MMP16: variants seen among roughly 807,000 people sequenced by gnomAD.
MMP16 encodes matrix metallopeptidase 16, also known as matrix metalloproteinase-16.
A neutral mutation model predicts 67.8 loss-of-function variants in MMP16; 12 were observed. The ratio of observed to expected loss-of-function variants is 0.18; its 90% confidence interval spans 0.11 to 0.29. MMP16 has a LOEUF of 0.29. MMP16 is among the 10% of genes least tolerant of loss of function. The pLI, the probability that MMP16 is intolerant of heterozygous loss-of-function variation, is 1.00. For missense variants in MMP16, 475 were observed against 765.7 expected (o/e 0.62, Z 4.48); for synonymous variants, 249 against 255.9 (o/e 0.97, Z 0.26).
intron 7 of MMP16, among the ~76,000 whole-genome samples, chr8:88,061,650 A>G (rs1808401825): frequency 6.6e-6 from 1 of 152,092 alleles, no homozygotes; most frequent in Non-Finnish European, 1.5e-5. Context: ...CTTAGTTTAT[A>G]TGTAGTCCCG....
In MMP16 at chr8:88,251,426, A is replaced by C. The variant is rs1012554261; in HGVS notation, c.133-54120T>G. The stretch of plus-strand genomic sequence containing the variant: ...CCTATTTAATAAATGGTGCTGCGAA[A>C]ACTGGCTAGCCATATGTAGAAAGCT... On this transcript the variant is annotated intron_variant, in intron 1 of 9. Coordinates refer to ENST00000286614, the MANE Select transcript of MMP16 (RefSeq NM_005941.5). Among the ~76,000 whole-genome samples the C allele has an allele frequency of 2.1e-4, 31 of 146,932 alleles. 1 individual carries two copies. Among genetic ancestry groups the C allele is most frequent in the Non-Finnish European group, 3.5e-4 (24 of 67,646 alleles).
chr8:88,156,156 A>G (rs567062070), intron 4 of MMP16, among the ~76,000 whole-genome samples: 1 of 152,256 alleles, frequency 6.6e-6, no homozygotes, highest in South Asian at 2.1e-4. Context: ...GATAACCCAT[A>G]GAGAGGCTTT....
intron 1 of MMP16, among the ~76,000 whole-genome samples, chr8:88,209,501 G>A (rs1381172158): frequency 6.6e-6 from 1 of 152,078 alleles, no homozygotes; most frequent in African/African-American, 2.4e-5. Context: ...GAGGCTATTG[G>A]TAGTTAGTTT....
chr8:88,230,816 A>T (rs930683935), intron 1 of MMP16, among the ~76,000 whole-genome samples: 4 of 152,124 alleles, frequency 2.6e-5, no homozygotes, highest in Non-Finnish European at 5.9e-5. Flanking sequence ...TTATTCATGA[A>T]TTTGCAACCT....
intron 1 of MMP16, among the ~76,000 whole-genome samples, chr8:88,203,059 G>A (rs745542055): frequency 9.9e-5 from 15 of 150,846 alleles, no homozygotes; most frequent in Admixed American, 7.9e-4. Flanking sequence ...AAAGTGGGGG[G>A]TGCAAAATGT....
intron 8 of MMP16, among the ~76,000 whole-genome samples, chr8:88,049,975 T>C (rs1485145806): frequency 6.6e-5 from 10 of 151,872 alleles, no homozygotes; most frequent in Admixed American, 4.6e-4. Flanking sequence ...CAGTGAGCTG[T>C]GATTGTGCCA....
At chr8:88,314,608 G>T (rs979343682) in intron 1 of MMP16, among the ~76,000 whole-genome samples, 2 of 152,112 alleles carry the variant, frequency 1.3e-5, no homozygotes, top group African/African-American at 4.8e-5. Context: ...TTTCATAACT[G>T]AGGCAAGACA....
intron 6 of MMP16, among the ~76,000 whole-genome samples, chr8:88,110,691 T>C (rs895867305): frequency 2.6e-5 from 4 of 151,666 alleles, no homozygotes; most frequent in Non-Finnish European, 5.9e-5. Flanking sequence ...AATCATTCCA[T>C]TGACTAAAGT....
chr8:88,169,836 G>A (rs1333512659), intron 3 of MMP16, among the ~76,000 whole-genome samples: 3 of 152,138 alleles, frequency 2.0e-5, no homozygotes, highest in Non-Finnish European at 4.4e-5. Context: ...GTAGGTCCCC[G>A]AAGGCCACTC....
intron 1 of MMP16, among the ~76,000 whole-genome samples, chr8:88,222,548 T>A (rs542632410): frequency 7.2e-5 from 11 of 152,142 alleles, no homozygotes; most frequent in African/African-American, 2.4e-4. Flanking sequence ...ACCACACAAC[T>A]ACAACCATCT....
chr8:88,097,641 A>AC (rs906260629), intron 6 of MMP16, among the ~76,000 whole-genome samples: 1 of 150,696 alleles, frequency 6.6e-6, no homozygotes, highest in African/African-American at 2.4e-5. Flanking sequence ...AAAAAAAAAA[A>AC]AAAAAAGAAT....
At chr8:88,145,651 A>G (rs951310340) in intron 4 of MMP16, among the ~76,000 whole-genome samples, 7 of 151,950 alleles carry the variant, frequency 4.6e-5, no homozygotes, top group African/African-American at 1.7e-4. Flanking sequence ...CATTTAGTAG[A>G]TTCCAATGGG....
At chr8:88,047,727 C>T (rs545280794) in intron 8 of MMP16, among the ~76,000 whole-genome samples, 1 of 152,072 alleles carries the variant, frequency 6.6e-6, no homozygotes, top group East Asian at 1.9e-4. Flanking sequence ...TACACTACAG[C>T]GAGCCTTTGG....
intron 1 of MMP16, among the ~76,000 whole-genome samples, chr8:88,275,672 T>C (rs1172184081): frequency 1.3e-5 from 2 of 151,808 alleles, no homozygotes; most frequent in African/African-American, 4.8e-5. Flanking sequence ...TAAGGATCCC[T>C]TTCATCTTTT....
intron 4 of MMP16, among the ~76,000 whole-genome samples, chr8:88,137,884 C>T (rs2118494033): frequency 1.3e-5 from 2 of 152,004 alleles, no homozygotes; most frequent in South Asian, 4.2e-4. Context: ...ATCTTGTCTT[C>T]TATTGTGCCC....
At chr8:88,273,213 G>A (rs1810593938) in intron 1 of MMP16, among the ~76,000 whole-genome samples, 1 of 150,556 alleles carries the variant, frequency 6.6e-6, no homozygotes, top group Non-Finnish European at 1.5e-5. Flanking sequence ...GCCTCCTGAG[G>A]AGCTGGGGCT....
At chr8:88,128,576 A>G (rs1807974119) in intron 4 of MMP16, among the ~76,000 whole-genome samples, 1 of 150,204 alleles carries the variant, frequency 6.7e-6, no homozygotes, top group Admixed American at 6.7e-5. Flanking sequence ...CAGTTTTACA[A>G]CCTAGGAATG....
chr8:88,078,662 T>C (rs1808693559), intron 6 of MMP16, among the ~76,000 whole-genome samples: 2 of 152,018 alleles, frequency 1.3e-5, no homozygotes, highest in South Asian at 2.1e-4. Flanking sequence ...GCCTGGGTGA[T>C]AGAGAGAGAC....
intron 4 of MMP16, among the ~76,000 whole-genome samples, chr8:88,142,832 A>T (rs1276823425): frequency 6.6e-6 from 1 of 152,194 alleles, no homozygotes; most frequent in African/African-American, 2.4e-5. Context: ...AAAGAAAAAC[A>T]AAGGCTTGGT....
Sources: allele counts gnomAD v4.1 joint callset (sites outside exome capture counted in the v4.1 genomes callset), GRCh38; gene constraint gnomAD v4.1.1; transcripts MANE v1.5; gene names NCBI Gene and HGNC (gene_info 2026-07-23, HGNC 2026-07-21).